Variants in DIPK2B observed in about 807,000 individuals in gnomAD.
DIPK2B encodes the protein divergent protein kinase domain 2B.
In DIPK2B, 15 loss-of-function variants were observed where a neutral mutation model predicts 22.2. That is an observed-to-expected ratio of 0.68 (90% confidence interval 0.45 to 1.04). The LOEUF is 1.04. Among genes scored for constraint, DIPK2B ranks in the 50% least tolerant of loss-of-function variants. DIPK2B has a pLI of 0.00. For missense variants in DIPK2B, 345 were observed against 348.3 expected, an observed-to-expected ratio of 0.99 and a Z score of 0.08; for synonymous variants, 163 against 153.2, an observed-to-expected ratio of 1.06 and a Z score of -0.47.
At chrX:45,157,972 C>T in intron 2 of DIPK2B, 84 bp from the exon 3 acceptor site, 1 of 498,994 alleles carries the variant, frequency 2.0e-6, no homozygotes, top group Non-Finnish European at 2.6e-6. Flanking sequence ...GGGGAATGGG[C>T]AGATCCTGCT....
At chrX:45,155,541 C>T (rs1427326848) in intron 3 of DIPK2B, among the ~76,000 whole-genome samples, 1 of 109,454 alleles carries the variant, frequency 9.1e-6, no homozygotes, top group Non-Finnish European at 1.9e-5. Flanking sequence ...GTTTTGGGAA[C>T]TACTGTACTG....
At chrX:45,153,532 G>A (rs1452009237) in intron 4 of DIPK2B, among the ~76,000 whole-genome samples, 1 of 105,531 alleles carries the variant, frequency 9.5e-6, no homozygotes, top group Non-Finnish European at 1.9e-5. Context: ...GACAGAGAGA[G>A]AGGAGAGAGA....
At chrX:45,182,934 A>T (rs760420521) in intron 2 of DIPK2B, among the ~76,000 whole-genome samples, 24 of 111,838 alleles carry the variant, frequency 2.1e-4, no homozygotes, top group Admixed American at 1.5e-3. Flanking sequence ...GCAAACTGGG[A>T]TGGTTGGTCA....
chrX:45,158,503 T>C (rs1337928039), intron 2 of DIPK2B, among the ~76,000 whole-genome samples: 3 of 111,448 alleles, frequency 2.7e-5, no homozygotes, highest in African/African-American at 9.8e-5. Context: ...ACTTGAGCGT[T>C]TTTATATGCA....
chrX:45,162,303 ATTGT>A (rs2047026168), intron 2 of DIPK2B: 6 of 657,159 alleles, frequency 9.1e-6, no homozygotes, highest in Non-Finnish European at 1.1e-5. Context: ...AAAATAAATG[ATTGT>A]TGTTTTAAGC....
chrX:45,175,487 C>T (rs2047111993), intron 2 of DIPK2B, among the ~76,000 whole-genome samples: 1 of 108,212 alleles, frequency 9.2e-6, no homozygotes, highest in East Asian at 3.0e-4. Flanking sequence ...GAAGAAAAAA[C>T]ACCAATGTGT....
chrX:45,191,490 C>T (rs965066922), intron 2 of DIPK2B: 15 of 352,702 alleles, frequency 4.3e-5, no homozygotes, highest in Non-Finnish European at 6.3e-5. Flanking sequence ...GGCCAGAGGT[C>T]GCAGCTAGGA....
chrX:45,175,328 G>A (rs1306143488), intron 2 of DIPK2B, among the ~76,000 whole-genome samples: 1 of 110,782 alleles, frequency 9.0e-6, no homozygotes, highest in Admixed American at 9.6e-5. Flanking sequence ...ATAAAACTAT[G>A]GTCCATACAT....
intron 2 of DIPK2B, among the ~76,000 whole-genome samples, chrX:45,189,767 T>G (rs963533137): frequency 1.4e-4 from 16 of 111,573 alleles, no homozygotes; most frequent in Admixed American, 1.3e-3. Context: ...GAGAAGATGG[T>G]GCCAAAATAA....
At chrX:45,185,346 C>T (rs1023499870) in intron 2 of DIPK2B, among the ~76,000 whole-genome samples, 5 of 111,690 alleles carry the variant, frequency 4.5e-5, no homozygotes, top group Non-Finnish European at 9.4e-5. Context: ...TTGTATAGAA[C>T]AAAGGATGCC....
intron 2 of DIPK2B, among the ~76,000 whole-genome samples, chrX:45,180,445 T>A (rs2047143932): frequency 8.9e-6 from 1 of 111,895 alleles, no homozygotes; most frequent in Non-Finnish European, 1.9e-5. Context: ...AACAAAATGA[T>A]TATGCTACTA....
In DIPK2B at chrX:45,200,629, T is replaced by G; in HGVS notation, c.198A>C (p.Thr66=). The G allele has an allele frequency of 8.2e-7, 1 of 1,212,311 alleles. No homozygotes were observed. The highest frequency in any genetic ancestry group is 1.1e-6 in the Non-Finnish European group (1 of 895,480). ...CTTTAAAGAACTTCTTGCAAATAGA[T>G]GTCCCGATGCAGGCATTGCATTTAT... ...GLDKCNACIG[T]SICKKFFKEE... is the part of the protein sequence containing the mutation. The change falls in exon 1 of 5, where the codon ACA becomes ACC. Residue 66 remains threonine, a synonymous_variant. Transcript: ENST00000398000.
chrX:45,163,770 C>A (rs2047033864), intron 2 of DIPK2B: 3 of 761,130 alleles, frequency 3.9e-6, no homozygotes, highest in Non-Finnish European at 1.6e-6. Flanking sequence ...TCAGACCAGA[C>A]CAAAATTTAG....
intron 2 of DIPK2B, among the ~76,000 whole-genome samples, chrX:45,170,039 T>C (rs766418470): frequency 9.3e-6 from 1 of 107,955 alleles, no homozygotes; most frequent in Non-Finnish European, 1.9e-5. Flanking sequence ...AGGTCAGGAG[T>C]TTGAAACCAG....
chrX:45,198,207 G>A (rs977616549), intron 1 of DIPK2B, among the ~76,000 whole-genome samples: 1 of 111,752 alleles, frequency 8.9e-6, no homozygotes, highest in Admixed American at 9.4e-5. Context: ...GCAACAAAAT[G>A]TTGACTAAGG....
At chrX:45,188,561 C>T (rs2047195565) in intron 2 of DIPK2B, among the ~76,000 whole-genome samples, 1 of 112,331 alleles carries the variant, frequency 8.9e-6, no homozygotes, top group African/African-American at 3.2e-5. Context: ...ATGGCTTATT[C>T]TTTTTAAAAT....
Position 45,154,208 on chromosome X carries a change from CAGA to C in DIPK2B, c.673-13_673-11del, listed in dbSNP as rs756820776. On this transcript the variant is annotated splice_polypyrimidine_tract_variant and intron_variant, in intron 3 of 4. Coordinates refer to ENST00000398000, the MANE Select transcript of DIPK2B (RefSeq NM_176819.4). ...CAGCCCCAGGGAAGATCTGCCAAGC[CAGA>C]AGGAGGAGGATTAGAGAGAAAAATC... 3 of 1,184,786 alleles carry C rather than the reference CAGA, an allele frequency of 2.5e-6. No individual in the cohort carries two copies. The highest frequency in any genetic ancestry group is 3.4e-6 in the Non-Finnish European group (3 of 882,810).
chrX:45,188,646 C>T (rs1013750554), intron 2 of DIPK2B, among the ~76,000 whole-genome samples: 2 of 112,236 alleles, frequency 1.8e-5, no homozygotes, highest in African/African-American at 6.5e-5. Flanking sequence ...GCTTTTCATA[C>T]ATTCAGAAGA....
At chrX:45,171,963 A>G (rs1254682882) in intron 2 of DIPK2B, among the ~76,000 whole-genome samples, 1 of 111,808 alleles carries the variant, frequency 8.9e-6, no homozygotes, top group African/African-American at 3.3e-5. Flanking sequence ...GTGTACCCCA[A>G]CCCACAATTC....
Sources: gnomAD v4.1 joint callset for allele counts (sites outside exome capture counted in the v4.1 genomes callset) on GRCh38, gnomAD v4.1.1 for gene constraint, MANE v1.5 for transcripts, NCBI Gene and HGNC (gene_info 2026-07-23, HGNC 2026-07-21) for gene names.